Variants in SNX29 observed in about 807,000 individuals in gnomAD.
SNX29 encodes the protein sorting nexin 29.
Under a neutral mutation model 102.1 loss-of-function variants are expected in SNX29, and 78 were observed. The observed-to-expected ratio is 0.76, with a 90% confidence interval of 0.64 to 0.92. The LOEUF is 0.92. SNX29 is among the 40% of genes least tolerant of loss of function. SNX29 has a pLI of 0.00. For synonymous variants in SNX29, 580 were observed against 414.5 expected (o/e 1.40, Z -4.85); for missense variants, 1,280 against 1,061.7 (o/e 1.21, Z -2.86).
At chr16:12,563,949 G>C (rs2078876025) in intron 20 of SNX29, among the ~76,000 whole-genome samples, 1 of 151,994 alleles carries the variant, frequency 6.6e-6, no homozygotes, top group African/African-American at 2.4e-5. Flanking sequence ...TCTTGTTCAA[G>C]AAAGACGAGG....
At chr16:12,080,708 T>G (rs2051826834) in intron 11 of SNX29, among the ~76,000 whole-genome samples, 2 of 138,514 alleles carry the variant, frequency 1.4e-5, no homozygotes, top group Admixed American at 7.3e-5. Flanking sequence ...TTTTTTTTTT[T>G]GAGACAGAGT....
In SNX29 at chr16:12,398,426, C is replaced by T. The variant is rs962411510; in HGVS notation, c.1900-20C>T. 4.3e-6 allele frequency: 7 copies of T among 1,613,854 alleles called. No homozygotes were observed. In the South Asian group the frequency reaches 7.7e-5, roughly 18 times the overall value. On this transcript the variant is annotated intron_variant, in intron 16 of 20. Coordinates refer to ENST00000566228, the MANE Select transcript of SNX29 (RefSeq NM_032167.5). ...CCATTATGCATTTTTTCTCCCCTCT[C>T]CCCCTTCTCCTGATGGTAGGTGCCT... is the stretch of plus-strand genomic sequence containing the variant.
At position 12,371,285 on chromosome 16, in the gene SNX29, CCCTCTTTCCTTCCTTT is replaced by C. The variant is rs1437322235; in HGVS notation, c.1899+15017_1899+15032del. Among the ~76,000 whole-genome samples, 297 of 152,116 alleles carry C rather than the reference CCCTCTTTCCTTCCTTT, an allele frequency of 2.0e-3. 2 individuals are homozygous for C. The highest frequency in any genetic ancestry group is 6.8e-3 in the African/African-American group (281 of 41,516). On this transcript the variant is annotated intron_variant, in intron 16 of 20. Transcript: ENST00000566228. ...TCCCTCCTCCCTCCCTCCCTTCCTT[CCCTCTTTCCTTCCTTT>C]CCTCTTTCCTAAATAGAGACAGGGT...
chr16:12,554,503 C>T (rs77204878), intron 20 of SNX29, among the ~76,000 whole-genome samples: 2,392 of 152,280 alleles, frequency 0.016, 59 homozygotes, highest in African/African-American at 0.053. Context: ...AAGCTTCCTC[C>T]GCAGCAGGAT....
Position 12,052,108 on chromosome 16 carries a change from A to C in SNX29, c.1010A>C (p.Tyr337Ser), listed in dbSNP as rs2050331094. The C allele has an allele frequency of 2.5e-6, 4 of 1,613,838 alleles. No homozygotes were observed. The highest frequency in any genetic ancestry group is 3.4e-6 in the Non-Finnish European group (4 of 1,179,862). Residue 337 changes from tyrosine (Y) to serine (S), a missense_variant, in exon 8 of 21, where the codon TAC becomes TCC. Coordinates refer to ENST00000566228, the MANE Select transcript of SNX29 (RefSeq NM_032167.5). ...DSLSLNGEFG[Y>S]QKLDVKSIDD... ...CTGTCTTTGAACGGGGAGTTTGGGT[A>C]CCAGAAGCTTGATGTGAAAAGCATC...
intron 12 of SNX29, among the ~76,000 whole-genome samples, chr16:12,127,951 A>AG (rs1016552974): frequency 1.3e-5 from 2 of 151,918 alleles, no homozygotes; most frequent in Non-Finnish European, 2.9e-5. Context: ...ACGTGGGGAG[A>AG]GGGGGGTGTG....
At chr16:12,089,493 GA>G (rs1025464490) in intron 11 of SNX29, among the ~76,000 whole-genome samples, 15 of 152,138 alleles carry the variant, frequency 9.9e-5, no homozygotes, top group Admixed American at 9.8e-4. Context: ...GAACTGTGGG[GA>G]AGACAAGCAG....
In SNX29 at chr16:12,427,154, G is replaced by A. The variant is rs569090769; in HGVS notation, c.2037+23625G>A. Among the ~76,000 whole-genome samples, 5 of 152,130 alleles carry A rather than the reference G, an allele frequency of 3.3e-5. No homozygotes were observed. In the South Asian group the frequency reaches 1.0e-3, roughly 32 times the overall value. ...TAGGCCAGATGTAGCACCCCTTGGG[G>A]TCTGCAGAGCCTAGCTGGGAAATGA... On this transcript the variant is annotated intron_variant, in intron 18 of 20. Coordinates refer to ENST00000566228, the MANE Select transcript of SNX29 (RefSeq NM_032167.5).
At chr16:12,562,472 G>A (rs1034909739) in intron 20 of SNX29, among the ~76,000 whole-genome samples, 2 of 152,164 alleles carry the variant, frequency 1.3e-5, no homozygotes, top group African/African-American at 2.4e-5. Flanking sequence ...CATAGGCTAG[G>A]AACTCGAGTC....
chr16:12,431,434 C>CTTCTTTTTTTTTTTTTTTTTTTTTTTT (rs779738786), intron 18 of SNX29, among the ~76,000 whole-genome samples: 3 of 136,952 alleles, frequency 2.2e-5, no homozygotes, highest in African/African-American at 5.4e-5. Flanking sequence ...TCTTCTTCTT[C>CTTCTTTTTTTTTTTTTTTTTTTTTTTT]TTTTTTTTTT....
intron 4 of SNX29, among the ~76,000 whole-genome samples, chr16:12,028,867 G>A (rs2057264343): frequency 6.6e-6 from 1 of 152,026 alleles, no homozygotes; most frequent in African/African-American, 2.4e-5. Context: ...TCCTGCCTGA[G>A]CCTCCCGAGT....
intron 14 of SNX29, among the ~76,000 whole-genome samples, chr16:12,221,709 A>C (rs1341328571): frequency 6.6e-6 from 1 of 152,198 alleles, no homozygotes; most frequent in Non-Finnish European, 1.5e-5. Flanking sequence ...GTGGGGAAGT[A>C]TTGGGAAGGG....
At chr16:12,307,425 C>A (rs569093292) in intron 15 of SNX29, among the ~76,000 whole-genome samples, 1 of 152,250 alleles carries the variant, frequency 6.6e-6, no homozygotes, top group Admixed American at 6.5e-5. Flanking sequence ...TCACTAACAT[C>A]ATGAGGACAG....
intron 13 of SNX29, among the ~76,000 whole-genome samples, chr16:12,163,472 C>G (rs928549071): frequency 6.6e-6 from 1 of 152,162 alleles, no homozygotes; most frequent in East Asian, 1.9e-4. Context: ...CAGAGGCCTG[C>G]ACACCATGCC....
intron 18 of SNX29, among the ~76,000 whole-genome samples, chr16:12,472,649 ACT>A (rs1488850761): frequency 6.6e-6 from 1 of 151,544 alleles, no homozygotes; most frequent in Non-Finnish European, 1.5e-5. Context: ...TCATAGGAAC[ACT>A]CTGGTAGACG....
At chr16:12,550,403 T>C (rs1468858313) in intron 20 of SNX29, among the ~76,000 whole-genome samples, 1 of 151,924 alleles carries the variant, frequency 6.6e-6, no homozygotes, top group Admixed American at 6.6e-5. Context: ...GGCATGGTGG[T>C]GCACGCCTGT....
At position 12,008,559 on chromosome 16, in the gene SNX29, G is replaced by A. The variant is rs568947759; in HGVS notation, c.122+5516G>A. Among the ~76,000 whole-genome samples, 9 of 152,172 alleles carry A rather than the reference G, an allele frequency of 5.9e-5. No homozygotes were observed. In the East Asian group the frequency reaches 1.4e-3, roughly 23 times the overall value. On this transcript the variant is annotated intron_variant, in intron 3 of 20. Transcript: ENST00000566228. ...GCTGGGATTACAGGCATGAGCCACCGCACCCGGCCTGGATCATTTTTGACT... is the reference window on the plus strand; with the variant it reads ...GCTGGGATTACAGGCATGAGCCACCACACCCGGCCTGGATCATTTTTGACT...
chr16:12,336,501 CA>C (rs2081455347), intron 15 of SNX29, among the ~76,000 whole-genome samples: 1 of 152,298 alleles, frequency 6.6e-6, no homozygotes, highest in African/African-American at 2.4e-5. Context: ...TTTTTCCCCT[CA>C]GAGAAAAGAT....
intron 20 of SNX29, among the ~76,000 whole-genome samples, chr16:12,543,873 C>T (rs1318450394): frequency 6.6e-6 from 1 of 152,222 alleles, no homozygotes; most frequent in African/African-American, 2.4e-5. Flanking sequence ...CCTCTTACCA[C>T]ACTACAAGAG....
Sources: allele counts gnomAD v4.1 joint callset (sites outside exome capture counted in the v4.1 genomes callset), GRCh38; gene constraint gnomAD v4.1.1; transcripts MANE v1.5; gene names NCBI Gene and HGNC (gene_info 2026-07-23, HGNC 2026-07-21).